Variants in GALC observed in about 807,000 individuals in gnomAD.
The protein encoded by GALC is galactocerebrosidase.
A neutral mutation model predicts 91.8 loss-of-function variants in GALC; 77 were observed. The ratio of observed to expected loss-of-function variants is 0.84; its 90% CI spans 0.70 to 1.01. The LOEUF (loss-of-function observed/expected upper bound fraction) is 1.01, where lower values mean the gene tolerates loss of function less well. Ranked by LOEUF, GALC falls within the 50% of genes least tolerant of loss-of-function variation. The pLI is 0.00. For synonymous variants in GALC, 357 were observed against 306.7 expected (o/e 1.16, Z -1.71); for missense variants, 882 against 855.9 (o/e 1.03, Z -0.38).
chr14:87,957,482 T>C (rs939444501), intron 10 of GALC, among the ~76,000 whole-genome samples: 7 of 152,130 alleles, frequency 4.6e-5, no homozygotes, highest in Admixed American at 3.9e-4. Flanking sequence ...TATGTTGCTA[T>C]CCAATTTTCC....
chr14:87,984,267 G>T, intron 5 of GALC, 127 bp downstream of exon 5: 1 of 876,686 alleles, frequency 1.1e-6, no homozygotes, highest in Non-Finnish European at 1.7e-6. Flanking sequence ...GTTATTATCA[G>T]ACACCATTAG....
chr14:87,987,596 T>A (rs2139757413), intron 3 of GALC, among the ~76,000 whole-genome samples: 1 of 152,314 alleles, frequency 6.6e-6, no homozygotes, highest in East Asian at 1.9e-4. Context: ...ATAAGCTATA[T>A]CTAATCATAG....
At chr14:87,947,473 ATCAGAAC>A (rs1885118510) in intron 13 of GALC, among the ~76,000 whole-genome samples, 1 of 152,082 alleles carries the variant, frequency 6.6e-6, no homozygotes, top group Non-Finnish European at 1.5e-5. Context: ...CCAAAAACAA[ATCAGAAC>A]TATAACTTTC....
intron 10 of GALC, chr14:87,955,337 A>G: frequency 1.7e-6 from 1 of 586,152 alleles, no homozygotes. Context: ...TTCAATTAAA[A>G]CTTTTTTCTA....
chr14:87,952,691 T>A, intron 10 of GALC: 3 of 1,508,378 alleles, frequency 2.0e-6, no homozygotes, highest in South Asian at 2.3e-5. Context: ...CAGAATCTAT[T>A]GGTCTCCAGA....
intron 1 of GALC, 56 bp from the exon 2 acceptor site, chr14:87,988,579 G>T: frequency 8.0e-7 from 1 of 1,247,114 alleles, no homozygotes; most frequent in South Asian, 1.2e-5. Flanking sequence ...ATGAATATCT[G>T]TCTACAGTGT....
intron 12 of GALC, 82 bp from the exon 13 acceptor site, chr14:87,947,960 C>T: frequency 7.7e-7 from 1 of 1,294,186 alleles, no homozygotes; most frequent in Non-Finnish European, 1.1e-6. Flanking sequence ...AAAAAATTAG[C>T]TTAAAGAAAA....
intron 15 of GALC, among the ~76,000 whole-genome samples, chr14:87,941,022 G>A (rs1258785116): frequency 6.6e-6 from 1 of 151,720 alleles, no homozygotes; most frequent in Non-Finnish European, 1.5e-5. Context: ...ATTTCTATAG[G>A]TACAGCAGCA....
In GALC at chr14:87,959,851, AT is replaced by A. The variant is rs1209663556; in HGVS notation, c.1161+3532del. ...GCACTCCCATGTTTATTAAAACACT[AT>A]TTACAATAGCCAAGATATGGAATCA... On this transcript the variant is annotated intron_variant, in intron 10 of 16. Coordinates refer to ENST00000261304, the MANE Select transcript of GALC (RefSeq NM_000153.4). 7.2e-5 allele frequency: 11 copies of A among 152,314 alleles called. No individual in the cohort carries two copies. The South Asian group carries it at 1.2e-3, about 17-fold the overall frequency. The allele number at this position is 152,314 out of a possible 1,614,324, so 9.4% of individuals were successfully genotyped here.
intron 15 of GALC, 33 bp downstream of exon 15, chr14:87,941,362 C>T (rs1198827603): frequency 7.6e-7 from 1 of 1,308,712 alleles, no homozygotes; most frequent in East Asian, 2.3e-5. Flanking sequence ...GCCCATAAGT[C>T]ATATGCTATT....
intron 16 of GALC, among the ~76,000 whole-genome samples, chr14:87,936,916 A>ATATATATATT (rs1431339979): frequency 4.3e-5 from 6 of 139,558 alleles, no homozygotes; most frequent in African/African-American, 1.4e-4. Context: ...ATATATATTT[A>ATATATATATT]TTTATTTTCT....
chr14:87,993,126 T>C lies in GALC; in HGVS notation c.39A>G (p.Arg13=), dbSNP rs762570603. ...EWLLSASWQR[R]AKAMTAAAGS... ...CCGCGGCCGCAGTCATAGCTTTCGCTCGGCGTTGCCAGGAAGCCGAGAGTA... is the reference window on the plus strand; with the variant it reads ...CCGCGGCCGCAGTCATAGCTTTCGCCCGGCGTTGCCAGGAAGCCGAGAGTA... The change falls in exon 1 of 17, where the codon CGA becomes CGG. Residue 13 remains arginine, a synonymous_variant. Coordinates refer to ENST00000261304, the MANE Select transcript of GALC (RefSeq NM_000153.4). The C allele has an allele frequency of 1.3e-6, 2 of 1,585,958 alleles. No homozygotes were observed. The highest frequency in any genetic ancestry group is 1.3e-5 in the African/African-American group (1 of 74,578).
chr14:87,989,879 CTTAA>C (rs1304708721), intron 1 of GALC, among the ~76,000 whole-genome samples: 2 of 152,198 alleles, frequency 1.3e-5, no homozygotes, highest in Non-Finnish European at 2.9e-5. Context: ...ACCCAAATCC[CTTAA>C]TTATTTGGCT....
At chr14:87,992,892 G>T in intron 1 of GALC, 78 bp downstream of exon 1, 1 of 1,430,002 alleles carries the variant, frequency 7.0e-7, no homozygotes, top group South Asian at 1.4e-5. Flanking sequence ...GCAGGGCAAC[G>T]CCGCGGGGGC....
chr14:87,992,942 C>CT (rs1212700883), intron 1 of GALC, 28 bp downstream of exon 1: 28 of 1,502,468 alleles, frequency 1.9e-5, no homozygotes, highest in Non-Finnish European at 2.3e-5. Flanking sequence ...TTGCCGCCCC[C>CT]CGCGTATCCC....
chr14:87,947,962 TAAAG>T, intron 12 of GALC, 84 bp from the exon 13 acceptor site: 1 of 1,230,984 alleles, frequency 8.1e-7, no homozygotes, highest in South Asian at 1.3e-5. Flanking sequence ...AAAATTAGCT[TAAAG>T]AAAAGTCCAA....
intron 14 of GALC, among the ~76,000 whole-genome samples, chr14:87,942,426 C>T (rs1250694655): frequency 6.6e-6 from 1 of 151,994 alleles, no homozygotes; most frequent in African/African-American, 2.4e-5. Context: ...AGTGAGCTCT[C>T]CTCCAGGTTT....
intron 14 of GALC, among the ~76,000 whole-genome samples, chr14:87,943,412 A>G (rs1884937014): frequency 6.6e-6 from 1 of 152,066 alleles, no homozygotes; most frequent in South Asian, 2.1e-4. Flanking sequence ...ACACAAGTCT[A>G]AAAACTGTGA....
chr14:87,983,601 G>A (rs1015387891), intron 5 of GALC, among the ~76,000 whole-genome samples: 3 of 152,184 alleles, frequency 2.0e-5, no homozygotes, highest in African/African-American at 7.2e-5. Flanking sequence ...AGTCATGATT[G>A]CATGAAAATG....
Sources: allele counts gnomAD v4.1 joint callset (sites outside exome capture counted in the v4.1 genomes callset), GRCh38; gene constraint gnomAD v4.1.1; transcripts MANE v1.5; gene names NCBI Gene and HGNC (gene_info 2026-07-23, HGNC 2026-07-21).